Variants in MAP2K4 observed in about 807,000 individuals in gnomAD.
MAP2K4 encodes the protein mitogen-activated protein kinase kinase 4, also known as dual specificity mitogen-activated protein kinase kinase 4.
Under a neutral mutation model 48.5 loss-of-function variants are expected in MAP2K4, and 4 were observed. The observed-to-expected ratio is 0.08, with a 90% confidence interval of 0.04 to 0.19. The LOEUF is 0.19. Ranked by LOEUF, MAP2K4 falls within the 10% of genes least tolerant of loss-of-function variation. MAP2K4 has a pLI of 1.00. For synonymous variants in MAP2K4, 166 were observed against 173.1 expected (o/e 0.96, Z 0.32); for missense variants, 258 against 493.3 (o/e 0.52, Z 4.52).
At chr17:12,065,213 C>T (rs1348554797) in intron 2 of MAP2K4, among the ~76,000 whole-genome samples, 1 of 150,144 alleles carries the variant, frequency 6.7e-6, no homozygotes, top group Non-Finnish European at 1.5e-5. Context: ...AATGATGCCT[C>T]AATTTTAAAA....
chr17:12,107,375 C>CT (rs1972148685), intron 4 of MAP2K4, among the ~76,000 whole-genome samples: 2 of 97,316 alleles, frequency 2.1e-5, no homozygotes, highest in Non-Finnish European at 4.5e-5. Flanking sequence ...GTATTTTTGT[C>CT]TTTTTCCTTT....
chr17:12,055,622 AT>A lies in MAP2K4; in HGVS notation c.218+640del, dbSNP rs765883941. ...GTATGATTAAAAAGCTGGCAGATAC[AT>A]TTTTTTTTAAGTAATTTCTCAACAA... On this transcript the variant is annotated intron_variant, in intron 2 of 10. Transcript: ENST00000353533. 2.2e-3 allele frequency among the ~76,000 whole-genome samples: 326 copies of A among 151,338 alleles called. 2 individuals carry two copies. The highest frequency in any genetic ancestry group is 7.4e-3 in the African/African-American group (305 of 41,350).
At chr17:12,076,268 A>G (rs930978984) in intron 2 of MAP2K4, among the ~76,000 whole-genome samples, 1 of 142,966 alleles carries the variant, frequency 7.0e-6, no homozygotes. Flanking sequence ...CTGGGACATT[A>G]TGTCACAGTT....
chr17:12,063,054 C>T (rs563249660), intron 2 of MAP2K4, among the ~76,000 whole-genome samples: 2 of 152,238 alleles, frequency 1.3e-5, no homozygotes, highest in African/African-American at 4.8e-5. Flanking sequence ...GATGTGTGTT[C>T]TTCTGACATT....
intron 1 of MAP2K4, among the ~76,000 whole-genome samples, chr17:12,052,271 A>G (rs1215709354): frequency 2.0e-5 from 3 of 152,202 alleles, no homozygotes; most frequent in African/African-American, 7.2e-5. Context: ...TTTCAAGATA[A>G]TTGCAGATGT....
chr17:12,104,235 C>A lies in MAP2K4; in HGVS notation c.514-3555C>A, dbSNP rs577798936. Among the ~76,000 whole-genome samples, 6 of 152,192 alleles carry A rather than the reference C, an allele frequency of 3.9e-5. No individual in the cohort carries two copies. In the East Asian group the frequency reaches 9.7e-4, roughly 25 times the overall value. ...TCCTAGAGTTCAGCTATCATGTCCACACGAAGGAAAAGAAAAGGGAAGAAC... is the reference window on the plus strand; with the variant it reads ...TCCTAGAGTTCAGCTATCATGTCCAAACGAAGGAAAAGAAAAGGGAAGAAC... On this transcript the variant is annotated intron_variant, in intron 4 of 10. Coordinates refer to ENST00000353533, the MANE Select transcript of MAP2K4 (RefSeq NM_003010.4).
chr17:12,116,715 C>T (rs1375095247), intron 7 of MAP2K4, among the ~76,000 whole-genome samples: 1 of 152,176 alleles, frequency 6.6e-6, no homozygotes, highest in African/African-American at 2.4e-5. Context: ...TCTTGCCCCA[C>T]TGGAAGGTCC....
intron 2 of MAP2K4, among the ~76,000 whole-genome samples, chr17:12,061,026 A>C (rs1350888497): frequency 1.3e-5 from 2 of 152,034 alleles, no homozygotes; most frequent in Non-Finnish European, 2.9e-5. Flanking sequence ...GTCTCTATGA[A>C]TCTAACTACT....
intron 1 of MAP2K4, among the ~76,000 whole-genome samples, chr17:12,035,232 C>G (rs768269830): frequency 2.0e-5 from 3 of 152,110 alleles, no homozygotes; most frequent in Non-Finnish European, 4.4e-5. Flanking sequence ...TAAAATTGGG[C>G]TTGGGCTGGG....
At chr17:12,085,731 A>G (rs1469558493) in intron 3 of MAP2K4, among the ~76,000 whole-genome samples, 1 of 152,020 alleles carries the variant, frequency 6.6e-6, no homozygotes, top group East Asian at 1.9e-4. Context: ...CTGATGCTTG[A>G]TAGTAAGGAC....
intron 9 of MAP2K4, among the ~76,000 whole-genome samples, chr17:12,139,097 AG>A (rs1973298226): frequency 6.6e-6 from 1 of 152,248 alleles, no homozygotes; most frequent in Admixed American, 6.5e-5. Context: ...GTTTAGAAAG[AG>A]GTGAACTATG....
chr17:12,102,422 A>G (rs1156473053), intron 4 of MAP2K4, among the ~76,000 whole-genome samples: 2 of 152,158 alleles, frequency 1.3e-5, no homozygotes, highest in South Asian at 2.1e-4. Context: ...AAATTACTAA[A>G]ATTTAGCTAA....
At chr17:12,050,825 C>T (rs949430237) in intron 1 of MAP2K4, among the ~76,000 whole-genome samples, 7 of 152,180 alleles carry the variant, frequency 4.6e-5, no homozygotes, top group African/African-American at 1.7e-4. Context: ...TTGCTCACAA[C>T]TAGACAAAGG....
At chr17:12,100,110 CA>C in intron 4 of MAP2K4, among the ~76,000 whole-genome samples, 1 of 152,210 alleles carries the variant, frequency 6.6e-6, no homozygotes, top group East Asian at 1.9e-4. Flanking sequence ...GTAAAGTGTA[CA>C]GTTTGATATG....
intron 2 of MAP2K4, among the ~76,000 whole-genome samples, chr17:12,074,170 A>G (rs1970918868): frequency 6.6e-6 from 1 of 152,022 alleles, no homozygotes; most frequent in Admixed American, 6.6e-5. Context: ...CGTTTTTTTA[A>G]TATATGGAAC....
chr17:12,044,436 T>A (rs774295354), intron 1 of MAP2K4, among the ~76,000 whole-genome samples: 1 of 152,224 alleles, frequency 6.6e-6, no homozygotes, highest in Non-Finnish European at 1.5e-5. Flanking sequence ...GTTAATTACT[T>A]ATGACTTATG....
At chr17:12,108,163 G>GT (rs1180426639) in intron 5 of MAP2K4, among the ~76,000 whole-genome samples, 2 of 152,050 alleles carry the variant, frequency 1.3e-5, no homozygotes, top group Non-Finnish European at 2.9e-5. Context: ...ATAAAGCTAG[G>GT]AAAAGCAATT....
intron 4 of MAP2K4, among the ~76,000 whole-genome samples, chr17:12,098,684 G>GT (rs1217236116): frequency 6.6e-6 from 1 of 151,996 alleles, no homozygotes; most frequent in East Asian, 1.9e-4. Flanking sequence ...AGAAATGAAT[G>GT]TATGTAGTCA....
intron 1 of MAP2K4, among the ~76,000 whole-genome samples, chr17:12,044,229 C>CT: frequency 6.6e-6 from 1 of 152,252 alleles, no homozygotes; most frequent in East Asian, 1.9e-4. Context: ...AGCTTTGAAT[C>CT]TATCTGGGAA....
Sources: allele counts gnomAD v4.1 joint callset (sites outside exome capture counted in the v4.1 genomes callset), GRCh38; gene constraint gnomAD v4.1.1; transcripts MANE v1.5; gene names NCBI Gene and HGNC (gene_info 2026-07-23, HGNC 2026-07-21).